DCAF8L2: variants seen among roughly 807,000 people sequenced by gnomAD.
The protein encoded by DCAF8L2 is DDB1- and CUL4-associated factor 8-like protein 2.
For synonymous variants in DCAF8L2, 200 were observed against 190.9 expected (o/e 1.05, Z -0.39); for missense variants, 430 against 490.7 (o/e 0.88, Z 1.17).
At chrX:27,739,825 C>T (rs1921749491) in intron 4 of DCAF8L2, among the ~76,000 whole-genome samples, 1 of 111,607 alleles carries the variant, frequency 9.0e-6, no homozygotes, top group Non-Finnish European at 1.9e-5. Flanking sequence ...TCCTATCTGC[C>T]CACCAGAGGC....
At chrX:27,527,163 T>C in the DCAF8L2 span, among the ~76,000 whole-genome samples, 1 of 112,327 alleles carries the variant, frequency 8.9e-6, no homozygotes, top group Admixed American at 9.4e-5. Context: ...TGAGCTGTGG[T>C]GGACTCCACC....
chrX:27,517,905 CT>C, the DCAF8L2 span: 1 of 1,164,757 alleles, frequency 8.6e-7, no homozygotes, highest in East Asian at 3.0e-5. Flanking sequence ...TGGCAGACAA[CT>C]TTTTGACCAG....
intron 2 of DCAF8L2, among the ~76,000 whole-genome samples, chrX:27,656,589 T>A (rs1354174690): frequency 8.9e-6 from 1 of 111,792 alleles, no homozygotes; most frequent in East Asian, 2.8e-4. Flanking sequence ...TAGGTTCAAT[T>A]TATTTCTTTT....
the DCAF8L2 span, among the ~76,000 whole-genome samples, chrX:27,475,508 T>G: frequency 8.9e-6 from 1 of 111,817 alleles, no homozygotes; most frequent in African/African-American, 3.3e-5. Flanking sequence ...GCAATCATAT[T>G]GGGCTTGTAA....
chrX:27,556,321 A>G, the DCAF8L2 span, among the ~76,000 whole-genome samples: 1 of 111,712 alleles, frequency 9.0e-6, no homozygotes, highest in Non-Finnish European at 1.9e-5. Context: ...AAAAGCTCAC[A>G]TGTTATTTCT....
chrX:27,665,079 T>G (rs145850715), intron 2 of DCAF8L2, among the ~76,000 whole-genome samples: 379 of 111,228 alleles, frequency 3.4e-3, no homozygotes, highest in African/African-American at 0.012. Context: ...CTTTTATATT[T>G]TATAATGCTG....
intron 2 of DCAF8L2, among the ~76,000 whole-genome samples, chrX:27,636,591 G>C (rs1008604913): frequency 4.5e-5 from 5 of 111,393 alleles, no homozygotes; most frequent in Admixed American, 9.6e-5. Flanking sequence ...ACTAGATATA[G>C]AGAGCCAGGT....
At chrX:27,514,852 GA>G in the DCAF8L2 span, among the ~76,000 whole-genome samples, 12 of 110,710 alleles carry the variant, frequency 1.1e-4, no homozygotes, top group African/African-American at 3.6e-4. Flanking sequence ...TATAGATTGA[GA>G]AAGTAGAATA....
intron 1 of DCAF8L2, among the ~76,000 whole-genome samples, chrX:27,614,060 C>G (rs184487964): frequency 1.8e-5 from 2 of 111,079 alleles, no homozygotes; most frequent in South Asian, 3.8e-4. Context: ...TGGTAGAATT[C>G]GGCTGTGAAT....
intron 2 of DCAF8L2, among the ~76,000 whole-genome samples, chrX:27,660,413 T>G (rs749966614): frequency 2.7e-5 from 3 of 111,919 alleles, no homozygotes; most frequent in East Asian, 2.8e-4. Context: ...TTTTTGTGTT[T>G]TTTTTTGTAG....
intron 2 of DCAF8L2, among the ~76,000 whole-genome samples, chrX:27,644,039 A>G (rs1362589473): frequency 3.6e-5 from 4 of 111,344 alleles, no homozygotes; most frequent in Non-Finnish European, 7.5e-5. Flanking sequence ...ATCTCCATCT[A>G]CTTAGCTCAC....
intron 1 of DCAF8L2, among the ~76,000 whole-genome samples, chrX:27,618,359 G>A (rs1927573881): frequency 9.0e-6 from 1 of 111,053 alleles, no homozygotes; most frequent in Non-Finnish European, 1.9e-5. Flanking sequence ...TATTACAGTG[G>A]AAAAGAAAAA....
At chrX:27,660,555 G>A (rs1929521807) in intron 2 of DCAF8L2, among the ~76,000 whole-genome samples, 1 of 111,957 alleles carries the variant, frequency 8.9e-6, no homozygotes, top group African/African-American at 3.2e-5. Context: ...GGCTCAAGGT[G>A]TGGTTTTCCT....
At chrX:27,584,422 G>A in the DCAF8L2 span, among the ~76,000 whole-genome samples, 9 of 109,349 alleles carry the variant, frequency 8.2e-5, no homozygotes, top group South Asian at 2.0e-3. Context: ...TCTTTGATGC[G>A]CCTCTCATAT....
intron 2 of DCAF8L2, among the ~76,000 whole-genome samples, chrX:27,634,702 A>C (rs1427849115): frequency 1.8e-5 from 2 of 110,785 alleles, no homozygotes; most frequent in Non-Finnish European, 3.8e-5. Flanking sequence ...TCTACACCTG[A>C]CCTCAGGTGA....
At chrX:27,528,969 T>C in the DCAF8L2 span, among the ~76,000 whole-genome samples, 1 of 111,401 alleles carries the variant, frequency 9.0e-6, no homozygotes, top group South Asian at 3.8e-4. Flanking sequence ...ATTACGTGAG[T>C]TGTTGTGGTC....
At chrX:27,519,527 C>T in the DCAF8L2 span, 1 of 812,502 alleles carries the variant, frequency 1.2e-6, no homozygotes, top group Non-Finnish European at 1.9e-6. Flanking sequence ...TTGGAAAAGA[C>T]CAAAGAAGAG....
chrX:27,474,677 G>A, the DCAF8L2 span, among the ~76,000 whole-genome samples: 62 of 111,961 alleles, frequency 5.5e-4, no homozygotes, highest in African/African-American at 1.9e-3. Context: ...CACCTGAATA[G>A]CAACAAAAAA....
At chrX:27,642,821 G>T (rs1263691768) in intron 2 of DCAF8L2, among the ~76,000 whole-genome samples, 3 of 111,755 alleles carry the variant, frequency 2.7e-5, no homozygotes, top group African/African-American at 9.7e-5. Context: ...TAATCATTTT[G>T]AAAAGAACAT....
Sources: allele counts gnomAD v4.1 joint callset (sites outside exome capture counted in the v4.1 genomes callset), GRCh38; gene constraint gnomAD v4.1.1; transcripts MANE v1.5; gene names NCBI Gene and HGNC (gene_info 2026-07-23, HGNC 2026-07-21).